ETV3L: variants seen among roughly 807,000 people sequenced by gnomAD.
ETV3L encodes ETS variant transcription factor 3 like, also known as ETS translocation variant 3-like protein.
ETV3L carries 30 observed loss-of-function variants against 27.6 expected under a neutral mutation model. The ratio of observed to expected loss-of-function variants is 1.09; its 90% CI spans 0.81 to 1.48. The LOEUF is 1.48. Ranked by LOEUF, ETV3L falls within the 40% of genes most tolerant of loss-of-function variation. The probability of loss-of-function intolerance (pLI) is 0.00; values close to 1 mark genes in which losing one functional copy is unlikely to be tolerated. For synonymous variants in ETV3L, 186 were observed against 188.9 expected, an observed-to-expected ratio of 0.98 and a Z score of 0.12; for missense variants, 443 against 455.6, an observed-to-expected ratio of 0.97 and a Z score of 0.25.
rs564813863 is a variant in ETV3L at position 157,095,735 on chromosome 1, C to A, written c.607+2133G>T. 2.2e-4 allele frequency among the ~76,000 whole-genome samples: 33 copies of A among 152,178 alleles called. 1 individual carries two copies. In the South Asian group the frequency reaches 6.6e-3, roughly 31 times the overall value. Reference sequence around the variant, plus strand: ...CTCCAGGCTGCCAGACCAGGCCCAGCGAGTCCCAGCAGGCCCTGGAGCACC... The same window carrying A: ...CTCCAGGCTGCCAGACCAGGCCCAGAGAGTCCCAGCAGGCCCTGGAGCACC... On this transcript the variant is annotated intron_variant, in intron 4 of 4. Coordinates refer to ENST00000454449, the MANE Select transcript of ETV3L (RefSeq NM_001004341.2).
chr1:157,093,801 G>A (rs1467413651), intron 4 of ETV3L, among the ~76,000 whole-genome samples: 5 of 152,012 alleles, frequency 3.3e-5, no homozygotes, highest in Non-Finnish European at 7.4e-5. Context: ...CTCCTTTTCT[G>A]CTTTTCTTTA....
chr1:157,099,393 G>C lies in ETV3L; in HGVS notation c.59-15C>G. 1 of 1,614,084 alleles carries C rather than the reference G, an allele frequency of 6.2e-7. No homozygotes were observed. Among genetic ancestry groups the C allele is most frequent in the Non-Finnish European group, 8.5e-7 (1 of 1,179,950 alleles). ...GAAGGCCAACCCTGGGTGGAGAGGG[G>C]AGAGTGAGGGCTCTGGAGGCCCTGC... On this transcript the variant is annotated splice_polypyrimidine_tract_variant and intron_variant, in intron 1 of 4. Coordinates refer to ENST00000454449, the MANE Select transcript of ETV3L (RefSeq NM_001004341.2).
chr1:157,093,478 C>G (rs1440282149), intron 4 of ETV3L, among the ~76,000 whole-genome samples: 1 of 151,352 alleles, frequency 6.6e-6, no homozygotes, highest in East Asian at 1.9e-4. Context: ...CTTTTCTTTT[C>G]TTTTTTCTTT....
At chr1:157,093,355 G>A (rs1007826953) in intron 4 of ETV3L, among the ~76,000 whole-genome samples, 1 of 152,118 alleles carries the variant, frequency 6.6e-6, no homozygotes, top group Non-Finnish European at 1.5e-5. Context: ...TCCCACCTCA[G>A]CTTGCTGAGT....
In ETV3L at chr1:157,093,024, C is replaced by T. The variant is rs375949327; in HGVS notation, c.711G>A (p.Pro237=). The part of the protein sequence containing the change: ...PGVASFTPPL[P]PPLPSNWTCL... ...AGGTCCAGTTGGAGGGCAGAGGGGG[C>T]GGGAGGGGAGGAGTGAAGGAGGCAA... The change falls in exon 5 of 5, where the codon CCG becomes CCA. Residue 237 remains proline (P), a synonymous_variant. Transcript: ENST00000454449. 2.4e-5 allele frequency: 38 copies of T among 1,596,398 alleles called. No homozygotes were observed. Among genetic ancestry groups the T allele is most frequent in the Non-Finnish European group, 3.0e-5 (35 of 1,171,044 alleles).
chr1:157,095,008 C>T (rs1375373603), intron 4 of ETV3L, among the ~76,000 whole-genome samples: 1 of 150,616 alleles, frequency 6.6e-6, no homozygotes, highest in Non-Finnish European at 1.5e-5. Context: ...GAAGTCAGAT[C>T]TATGTAGGGA....
chr1:157,093,237 G>A (rs967337067), intron 4 of ETV3L, 110 bp from the exon 5 acceptor site: 60 of 653,952 alleles, frequency 9.2e-5, no homozygotes, highest in Admixed American at 1.8e-4. Context: ...TCTCTTCCTC[G>A]CCCCACTGCC....
At chr1:157,098,045 C>T in intron 3 of ETV3L, 57 bp from the exon 4 acceptor site, 3 of 1,530,086 alleles carry the variant, frequency 2.0e-6, no homozygotes, top group South Asian at 1.3e-5. Context: ...ATGTATCCTC[C>T]AGTACAATCT....
rs1674289081 is a variant in ETV3L, at chr1:157,099,130, C to T, written c.296+11G>A. ...CCCCCCTCTTTGGCCATGTCAGCCGCCTCCTCTCACCTGAGGGCCCGGCTC... is the reference window on the plus strand; with the variant it reads ...CCCCCCTCTTTGGCCATGTCAGCCGTCTCCTCTCACCTGAGGGCCCGGCTC... On this transcript the variant is annotated intron_variant, in intron 2 of 4. Transcript: ENST00000454449. 5.6e-6 allele frequency: 9 copies of T among 1,613,486 alleles called. No homozygotes were observed. The highest frequency in any genetic ancestry group is 7.6e-6 in the Non-Finnish European group (9 of 1,179,566).
intron 4 of ETV3L, among the ~76,000 whole-genome samples, chr1:157,095,355 G>A (rs1674199068): frequency 6.6e-6 from 1 of 152,074 alleles, no homozygotes; most frequent in Admixed American, 6.5e-5. Flanking sequence ...GGCTGGCACA[G>A]GCTTCTGGAA....
At position 157,098,979 on chromosome 1, in the gene ETV3L, C is replaced by A. The variant is rs530432055; in HGVS notation, c.297-84G>T. On this transcript the variant is annotated intron_variant, in intron 2 of 4. Coordinates refer to ENST00000454449, the MANE Select transcript of ETV3L (RefSeq NM_001004341.2). The stretch of plus-strand genomic sequence containing the variant: ...ACCCAGTCACATTCTCCTCCCTAGC[C>A]GGGCTGACCCTAAGCTGTTCCCCGA... 2.8e-5 allele frequency: 42 copies of A among 1,496,348 alleles called. No individual in the cohort carries two copies. In the East Asian group the frequency reaches 9.3e-4, roughly 33 times the overall value. The allele number at this position is 1,496,348 out of a possible 1,614,324, so 92.7% of individuals were successfully genotyped here.
intron 4 of ETV3L, among the ~76,000 whole-genome samples, chr1:157,094,913 CAAA>C (rs34656748): frequency 1.4e-4 from 12 of 86,624 alleles, no homozygotes; most frequent in African/African-American, 5.0e-4. Context: ...AACTCTGTCT[CAAA>C]AAAAAAAAAA....
At position 157,099,324 on chromosome 1, in the gene ETV3L, T is replaced by G. The variant is rs1558021629; in HGVS notation, c.113A>C (p.Gln38Pro). 1 of 1,614,188 alleles carries G rather than the reference T, an allele frequency of 6.2e-7. No homozygotes were observed. The highest frequency in any genetic ancestry group is 8.5e-7 in the Non-Finnish European group (1 of 1,180,038). The change falls in exon 2 of 5, where the codon CAG becomes CCG. Residue 38 changes from glutamine to proline, a missense_variant. Coordinates refer to ENST00000454449, the MANE Select transcript of ETV3L (RefSeq NM_001004341.2). Reference protein sequence around the residue: ...YKAESSPGSRQIQLWHFILEL... With the variant: ...YKAESSPGSRPIQLWHFILEL... Reference sequence around the variant, plus strand: ...CAGGATGAAGTGCCACAGCTGGATCTGCCGGGAGCCTGGGGACGACTCGGC... The same window carrying G: ...CAGGATGAAGTGCCACAGCTGGATCGGCCGGGAGCCTGGGGACGACTCGGC...
intron 3 of ETV3L, among the ~76,000 whole-genome samples, chr1:157,098,244 G>A (rs1674271050): frequency 6.6e-6 from 1 of 152,038 alleles, no homozygotes; most frequent in Non-Finnish European, 1.5e-5. Context: ...TTACAGACAT[G>A]TGCCACCATG....
chr1:157,097,328 C>G lies in ETV3L; in HGVS notation c.607+540G>C, dbSNP rs144677628. On this transcript the variant is annotated intron_variant, in intron 4 of 4. Coordinates refer to ENST00000454449, the MANE Select transcript of ETV3L (RefSeq NM_001004341.2). ...TCTTTACTAAAAATACAAAAATTAG[C>G]TGGGCGTGGTGGTGCATGTCTGTAG... 1.3e-4 allele frequency among the ~76,000 whole-genome samples: 19 copies of G among 151,728 alleles called. No homozygotes were observed. In the East Asian group the frequency reaches 3.7e-3, roughly 30 times the overall value.
intron 2 of ETV3L, 37 bp from the exon 3 acceptor site, chr1:157,098,932 C>A: frequency 6.3e-7 from 1 of 1,579,438 alleles, no homozygotes; most frequent in Non-Finnish European, 8.6e-7. Context: ...GTTGGCCCAG[C>A]AGTCAGAGAA....
rs1353598495 is a variant in ETV3L at position 157,098,694 on chromosome 1, C to T, written c.486+12G>A. 1.9e-6 allele frequency: 3 copies of T among 1,574,382 alleles called. No individual in the cohort carries two copies. The highest frequency in any genetic ancestry group is 2.6e-6 in the Non-Finnish European group (3 of 1,160,760). On this transcript the variant is annotated intron_variant, in intron 3 of 4. Transcript: ENST00000454449. ...GGTGGAGCCCTGAGACAGGGGCCAC[C>T]TCCGCTCTTACCTCACTCTGCACAC...
intron 4 of ETV3L, among the ~76,000 whole-genome samples, chr1:157,094,671 G>A (rs1674186828): frequency 6.6e-6 from 1 of 152,180 alleles, no homozygotes; most frequent in African/African-American, 2.4e-5. Flanking sequence ...CCAGCACTTT[G>A]GGAGGCCGAG....
intron 4 of ETV3L, among the ~76,000 whole-genome samples, chr1:157,096,788 G>A (rs540012135): frequency 3.9e-5 from 6 of 152,336 alleles, no homozygotes; most frequent in Middle Eastern, 3.4e-3. Flanking sequence ...AGGTGGTGGC[G>A]CATGCCTGTA....
Sources: gnomAD v4.1 joint callset for allele counts (sites outside exome capture counted in the v4.1 genomes callset) on GRCh38, gnomAD v4.1.1 for gene constraint, MANE v1.5 for transcripts, NCBI Gene and HGNC (gene_info 2026-07-23, HGNC 2026-07-21) for gene names.